USP48: variants seen among roughly 807,000 people sequenced by gnomAD.
USP48 encodes ubiquitin carboxyl-terminal hydrolase 48.
In USP48, 43 loss-of-function variants were observed where a neutral mutation model predicts 150.7. The observed-to-expected ratio is 0.29, with a 90% CI of 0.22 to 0.37. The LOEUF is 0.37. Among genes scored for constraint, USP48 ranks in the 10% least tolerant of loss-of-function variants. USP48 has a pLI of 1.00. For missense variants in USP48, 813 were observed against 1,249.6 expected (o/e 0.65, Z 5.27); for synonymous variants, 396 against 425.9 (o/e 0.93, Z 0.86).
Position 21,782,805 on chromosome 1 carries a change from C to T in USP48, c.134+19G>A. ...GGTCCGGCGCGAGGAGCCCGCGAGG[C>T]GCGGTGCGCGGGCCTCACCTGCACA... On this transcript the variant is annotated intron_variant, in intron 1 of 26. Transcript: ENST00000308271. 6.6e-7 allele frequency: 1 copy of T among 1,513,790 alleles called. No homozygotes were observed. The highest frequency in any genetic ancestry group is 2.2e-5 in the Admixed American group (1 of 46,378). The allele number at this position is 1,513,790 out of a possible 1,614,324, so 93.8% of individuals were successfully genotyped here.
intron 14 of USP48, among the ~76,000 whole-genome samples, chr1:21,719,121 C>T (rs950215224): frequency 1.4e-5 from 2 of 140,476 alleles, no homozygotes; most frequent in African/African-American, 2.6e-5. Context: ...AAAAATTAGC[C>T]GGGCATGGTG....
At chr1:21,682,697 A>T (rs2097569404) in intron 25 of USP48, among the ~76,000 whole-genome samples, 1 of 152,006 alleles carries the variant, frequency 6.6e-6, no homozygotes, top group Admixed American at 6.6e-5. Context: ...CAACATAGTG[A>T]AACTCTGTCC....
At chr1:21,752,744 A>G in intron 4 of USP48, 93 bp from the exon 5 acceptor site, 1 of 1,386,468 alleles carries the variant, frequency 7.2e-7, no homozygotes, top group African/African-American at 1.5e-5. Context: ...GAAACTACCT[A>G]TACTTTCAAC....
At chr1:21,711,521 C>T (rs914734270) in intron 15 of USP48, among the ~76,000 whole-genome samples, 3 of 152,190 alleles carry the variant, frequency 2.0e-5, no homozygotes, top group Non-Finnish European at 4.4e-5. Flanking sequence ...AACCTTTCCA[C>T]TCTTCAATGC....
chr1:21,713,691 G>C (rs2097696508), intron 15 of USP48, among the ~76,000 whole-genome samples: 1 of 152,204 alleles, frequency 6.6e-6, no homozygotes, highest in Non-Finnish European at 1.5e-5. Flanking sequence ...GTGAAGGTTA[G>C]AAAAGGTGAT....
chr1:21,779,302 T>C (rs953288402), intron 1 of USP48, among the ~76,000 whole-genome samples: 2 of 151,932 alleles, frequency 1.3e-5, no homozygotes, highest in Non-Finnish European at 2.9e-5. Flanking sequence ...CCCAGCACTT[T>C]GGGAGGCCGA....
rs1356842373 is a variant in USP48, at chr1:21,679,085, C to T, written c.*332G>A. On this transcript the variant is annotated 3_prime_UTR_variant, in exon 27 of 27. Coordinates refer to ENST00000308271, the MANE Select transcript of USP48 (RefSeq NM_032236.8). ...ACTCGAGCAAGGAAATATAACAGAA[C>T]TTTATTCCCCTCCCACGACTATAAA... 5.0e-6 allele frequency: 2 copies of T among 403,988 alleles called. No individual in the cohort carries two copies. The highest frequency in any genetic ancestry group is 9.1e-6 in the Non-Finnish European group (2 of 220,554). The allele number at this position is 403,988 out of a possible 1,614,324, so 25.0% of individuals were successfully genotyped here. A position where few individuals can be genotyped will look rare whatever the true frequency, so the allele number is the denominator to read the frequency against.
At chr1:21,730,537 C>T (rs2097754133) in intron 9 of USP48, among the ~76,000 whole-genome samples, 1 of 151,572 alleles carries the variant, frequency 6.6e-6, no homozygotes, top group African/African-American at 2.4e-5. Context: ...TGTCTAAAAA[C>T]ACAAAAATTA....
At chr1:21,752,890 T>C (rs2097820236) in intron 4 of USP48, 102 bp downstream of exon 4, 1 of 1,415,724 alleles carries the variant, frequency 7.1e-7, no homozygotes, top group Admixed American at 3.0e-5. Context: ...TAGAAAAAAT[T>C]TAATTTTTAA....
chr1:21,760,892 G>GCCTGACCA (rs2097848374), intron 1 of USP48, among the ~76,000 whole-genome samples: 4 of 151,846 alleles, frequency 2.6e-5, no homozygotes, highest in African/African-American at 9.7e-5. Flanking sequence ...TCGGGATTTC[G>GCCTGACCA]AGACCAGCCT....
At chr1:21,715,368 T>C in intron 15 of USP48, 21 bp downstream of exon 15, 1 of 1,556,882 alleles carries the variant, frequency 6.4e-7, no homozygotes, top group Non-Finnish European at 8.8e-7. Flanking sequence ...AAAACAGAAT[T>C]CATTTATGCT....
chr1:21,681,476 C>T (rs940102456), intron 25 of USP48, among the ~76,000 whole-genome samples: 4 of 151,812 alleles, frequency 2.6e-5, no homozygotes, highest in South Asian at 2.1e-4. Flanking sequence ...TGGCCAGGCT[C>T]GTCTCGAACT....
At chr1:21,740,513 C>T (rs1476645465) in intron 8 of USP48, among the ~76,000 whole-genome samples, 1 of 152,074 alleles carries the variant, frequency 6.6e-6, no homozygotes. Flanking sequence ...GAAGCTAGCC[C>T]TCAAAAAGAT....
intron 13 of USP48, 66 bp downstream of exon 13, chr1:21,721,584 A>G: frequency 1.0e-6 from 1 of 974,644 alleles, no homozygotes; most frequent in Non-Finnish European, 1.4e-6. Context: ...AAATAACGAG[A>G]TGCTTGGTTA....
intron 11 of USP48, among the ~76,000 whole-genome samples, chr1:21,726,204 T>A (rs2097736705): frequency 6.6e-6 from 1 of 151,988 alleles, no homozygotes; most frequent in African/African-American, 2.4e-5. Context: ...CTAGGAAAGC[T>A]CAAAATGCAC....
At chr1:21,764,995 T>C (rs981793073) in intron 1 of USP48, among the ~76,000 whole-genome samples, 1 of 152,130 alleles carries the variant, frequency 6.6e-6, no homozygotes, top group Non-Finnish European at 1.5e-5. Flanking sequence ...TAAGCATATA[T>C]TTCTTATAAA....
chr1:21,727,144 C>G (rs1034635188), intron 11 of USP48, among the ~76,000 whole-genome samples: 6 of 152,094 alleles, frequency 3.9e-5, no homozygotes, highest in Non-Finnish European at 7.4e-5. Flanking sequence ...GGTAAGTGAT[C>G]TTTGTTTTTT....
At chr1:21,704,541 T>C (rs965156389) in intron 19 of USP48, 149 bp from the exon 20 acceptor site, 32 of 830,104 alleles carry the variant, frequency 3.9e-5, no homozygotes, top group African/African-American at 5.3e-5. Context: ...CAACAAAGAA[T>C]AGTTTTTCAT....
chr1:21,690,162 T>C (rs1230962351), intron 23 of USP48, 63 bp from the exon 24 acceptor site: 18 of 1,425,992 alleles, frequency 1.3e-5, no homozygotes, highest in Non-Finnish European at 1.7e-5. Flanking sequence ...ATACCCTATT[T>C]AAATAAATTA....
Sources: allele counts gnomAD v4.1 joint callset (sites outside exome capture counted in the v4.1 genomes callset), GRCh38; gene constraint gnomAD v4.1.1; transcripts MANE v1.5; gene names NCBI Gene and HGNC (gene_info 2026-07-23, HGNC 2026-07-21).